Variants in PXN observed in about 807,000 individuals in gnomAD.
PXN encodes paxillin.
PXN carries 61 observed loss-of-function variants against 103.6 expected under a neutral mutation model. The observed-to-expected ratio is 0.59, with a 90% confidence interval of 0.48 to 0.73. The LOEUF is 0.73. PXN is among the 30% of genes least tolerant of loss of function. The pLI is 0.00. For synonymous variants in PXN, 562 were observed against 607.8 expected, an observed-to-expected ratio of 0.92 and a Z score of 1.11; for missense variants, 1,274 against 1,460.3, an observed-to-expected ratio of 0.87 and a Z score of 2.08.
rs1882165490 is a variant in PXN at position 120,215,015 on chromosome 12, A to G, written c.2575-17T>C. On this transcript the variant is annotated splice_polypyrimidine_tract_variant and intron_variant, in intron 11 of 14. Transcript: ENST00000637617. The surrounding 1 kb of genome is among the most constrained non-coding windows in gnomAD (Gnocchi z 4.9). ...GGTCACAACCTGAGGAGGAGATGGA[A>G]TGCGGTCCAGGGCCAAGGCCAGCCC... The G allele has an allele frequency of 6.2e-7, 1 of 1,611,352 alleles. No individual in the cohort carries two copies. The highest frequency in any genetic ancestry group is 1.3e-5 in the African/African-American group (1 of 74,856).
chr12:120,223,973 T>C, intron 2 of PXN, 140 bp from the exon 3 acceptor site: 2 of 849,656 alleles, frequency 2.4e-6, no homozygotes. Flanking sequence ...CCAGGAAACC[T>C]GTGATTAACC....
rs547112511 is a variant in PXN, at chr12:120,213,811, G to T, written c.2979+31C>A. 6.3e-7 allele frequency: 1 copy of T among 1,597,990 alleles called. No individual in the cohort carries two copies. Among genetic ancestry groups the T allele is most frequent in the Admixed American group, 1.7e-5 (1 of 57,484 alleles). On this transcript the variant is annotated intron_variant, in intron 14 of 14. Transcript: ENST00000637617. The surrounding 1 kb of genome is among the most constrained non-coding windows in gnomAD (Gnocchi z 4.2). ...CCTCTCTCCCCACTGCCTGCTCCTC[G>T]CCCCTCCAGATGTGGTCAGGGGCTC...
In PXN at chr12:120,265,487, G is replaced by T. The variant is rs1393232075; in HGVS notation, c.13+130C>A. 4 of 1,087,116 alleles carry T rather than the reference G, an allele frequency of 3.7e-6. No individual in the cohort carries two copies. The highest frequency in any genetic ancestry group is 3.4e-5 in the African/African-American group (2 of 58,720). 67.3% of individuals were successfully genotyped at this position (1,087,116 alleles called of 1,614,324 possible). A position where few individuals can be genotyped will look rare whatever the true frequency, so the allele number is the denominator to read the frequency against. On this transcript the variant is annotated intron_variant, in intron 1 of 14. Coordinates refer to ENST00000637617, the MANE Select transcript of PXN (RefSeq NM_001385981.1). The surrounding 1 kb of genome is among the most constrained non-coding windows in gnomAD (Gnocchi z 5.7). The stretch of plus-strand genomic sequence containing the variant: ...ATCCCAGCCCCGCGGAGCCCCGGCC[G>T]GCAGGGACAGGAGCTGAGGCCGGGG...
chr12:120,245,910 G>A (rs1407287990), intron 1 of PXN, among the ~76,000 whole-genome samples: 2 of 152,088 alleles, frequency 1.3e-5, no homozygotes, highest in African/African-American at 2.4e-5. Flanking sequence ...ACAGGAGGGG[G>A]AAATGGAAAT....
Position 120,216,822 on chromosome 12 carries a change from A to G in PXN, c.1992+19T>C. ...GCTTGGCTCTGGCCCAGCCCCAGCC[A>G]TGGGCATCTCCTCGCCACCTTCTCT... On this transcript the variant is annotated intron_variant, in intron 8 of 14. Coordinates refer to ENST00000637617, the MANE Select transcript of PXN (RefSeq NM_001385981.1). This position sits in a 1 kb window ranked among gnomAD's most constrained non-coding sequence, Gnocchi z 5.1. 1 of 1,552,772 alleles carries G rather than the reference A, an allele frequency of 6.4e-7. No homozygotes were observed. The highest frequency in any genetic ancestry group is 1.2e-5 in the South Asian group (1 of 84,968).
chr12:120,261,826 G>A (rs1376026657), intron 1 of PXN, among the ~76,000 whole-genome samples: 1 of 152,240 alleles, frequency 6.6e-6, no homozygotes, highest in Non-Finnish European at 1.5e-5. Context: ...AGTAGGCTGA[G>A]CATTTCTCCA....
chr12:120,215,567 T>C lies in PXN; in HGVS notation c.2396A>G (p.Glu799Gly), dbSNP rs773116245. ...GGRSSPGGQD[E>G]GGFMAQGKTG... is the part of the protein sequence containing the mutation. ...CCCAGCCTTGGCACTGACCCCTCCC[T>C]CGTCCTGCCCTCCGGGGCTGCTCCG... Residue 799 changes from glutamate to glycine, a missense_variant, in exon 10 of 15, where the codon GAG becomes GGG. Glu to Gly is a moderately conservative substitution (Grantham distance 98, BLOSUM62 -2). Around this residue, in one of 2 missense-constraint regions of PXN, gnomAD observed 1,178 missense variants for 1,309.0 expected, o/e 0.90. Transcript: ENST00000637617. This position sits in a 1 kb window ranked among gnomAD's most constrained non-coding sequence, Gnocchi z 4.9. 6 of 1,593,718 alleles carry C rather than the reference T, an allele frequency of 3.8e-6. No individual in the cohort carries two copies. In the African/African-American group the frequency reaches 8.1e-5, roughly 21 times the overall value.
At chr12:120,264,634 TA>T in intron 1 of PXN, among the ~76,000 whole-genome samples, 1 of 152,260 alleles carries the variant, frequency 6.6e-6, no homozygotes, top group South Asian at 2.1e-4. Flanking sequence ...AGGAAAACAG[TA>T]AAACTCTGTT....
rs1211860050 is a variant in PXN, at chr12:120,217,087, C to T, written c.1746G>A (p.Glu582=). 2 of 1,590,640 alleles carry T rather than the reference C, an allele frequency of 1.3e-6. No individual in the cohort carries two copies. Among genetic ancestry groups the T allele is most frequent in the Admixed American group, 1.7e-5 (1 of 58,994 alleles). The part of the protein sequence containing the change: ...QIRSVIRRSW[E]SGHAHPMSRE... Reference sequence around the variant, plus strand: ...GGGACATGGGGTGTGCGTGGCCAGACTCCCAGCTCCTCCTGATCACAGATC... The same window carrying T: ...GGGACATGGGGTGTGCGTGGCCAGATTCCCAGCTCCTCCTGATCACAGATC... Residue 582 remains glutamate, a synonymous_variant, in exon 8 of 15, where the codon GAG becomes GAA. Transcript: ENST00000637617. The surrounding 1 kb of genome is among the most constrained non-coding windows in gnomAD (Gnocchi z 4.1).
chr12:120,223,094 G>A lies in PXN; in HGVS notation c.357-95C>T, dbSNP rs180738645. The stretch of plus-strand genomic sequence containing the variant: ...GATTCCCAAGGAGAACAAGGCAGAG[G>A]AGATGCGAAGTCTTCCCCCGCAAGA... On this transcript the variant is annotated intron_variant, in intron 3 of 14. Coordinates refer to ENST00000637617, the MANE Select transcript of PXN (RefSeq NM_001385981.1). 1.0e-3 allele frequency: 1,631 copies of A among 1,589,344 alleles called. 17 individuals are homozygous for A. Among genetic ancestry groups the A allele is most frequent in the Non-Finnish European group, 1.0e-4 (122 of 1,163,858 alleles).
intron 1 of PXN, among the ~76,000 whole-genome samples, chr12:120,258,926 A>C (rs961076826): frequency 1.4e-4 from 22 of 151,772 alleles, no homozygotes; most frequent in African/African-American, 5.3e-4. Flanking sequence ...AAAATTAGCC[A>C]GGCGTGGTGG....
In PXN at chr12:120,215,304, C is replaced by T. The variant is rs1242520947; in HGVS notation, c.2404-31G>A. ...GACACGGAGGGGGCTGGTCAGGACT[C>T]CTGAGGCTCGGGGTACGGTGTCTGG... On this transcript the variant is annotated intron_variant, in intron 10 of 14. Coordinates refer to ENST00000637617, the MANE Select transcript of PXN (RefSeq NM_001385981.1). The surrounding 1 kb of genome is among the most constrained non-coding windows in gnomAD (Gnocchi z 4.9). 1 of 1,563,840 alleles carries T rather than the reference C, an allele frequency of 6.4e-7. No homozygotes were observed. Among genetic ancestry groups the T allele is most frequent in the Non-Finnish European group, 8.6e-7 (1 of 1,157,954 alleles).
At position 120,215,618 on chromosome 12, in the gene PXN, G is replaced by T. The variant is rs775200782; in HGVS notation, c.2345C>A (p.Ala782Glu). Residue 782 changes from alanine to glutamate, a missense_variant, in exon 10 of 15, where the codon GCG becomes GAG. Ala to Glu is a moderately radical substitution (Grantham distance 107). Around this residue, in one of 2 missense-constraint regions of PXN, gnomAD observed 1,178 missense variants for 1,309.0 expected, o/e 0.90. Transcript: ENST00000637617. This position sits in a 1 kb window ranked among gnomAD's most constrained non-coding sequence, Gnocchi z 4.9. ...EQRADGERCW[A>E]AGWPRDGGRS... ...CCCGCCGTCCCGAGGCCAGCCGGCC[G>T]CCCAGCACCGCTCCCCATCCGCTCT... The T allele has an allele frequency of 6.2e-7, 1 of 1,611,922 alleles. No homozygotes were observed. Among genetic ancestry groups the T allele is most frequent in the East Asian group, 2.2e-5 (1 of 44,854 alleles).
At position 120,211,994 on chromosome 12, in the gene PXN, C is replaced by T. The variant is rs781172802; in HGVS notation, c.*320G>A. ...GCTGAAATATGAGGAAGAGATGGCT[C>T]CAGTGTGGGGTGCTGGCCAGGCCAG... On this transcript the variant is annotated 3_prime_UTR_variant, in exon 15 of 15. Coordinates refer to ENST00000637617, the MANE Select transcript of PXN (RefSeq NM_001385981.1). The T allele has an allele frequency of 1.6e-5, 10 of 613,542 alleles. No homozygotes were observed. Among genetic ancestry groups the T allele is most frequent in the African/African-American group, 3.6e-5 (2 of 55,472 alleles). 38.0% of individuals were successfully genotyped at this position (613,542 alleles called of 1,614,324 possible). A position where few individuals can be genotyped will look rare whatever the true frequency, so the allele number is the denominator to read the frequency against.
At position 120,214,022 on chromosome 12, in the gene PXN, A is replaced by C; in HGVS notation, c.2831-32T>G. Reference sequence around the variant, plus strand: ...AGCGGGGGTTTTGGAGGCACAGTTCATTCCGGCTTCCAGAAGTGGAGCCAC... The same window carrying C: ...AGCGGGGGTTTTGGAGGCACAGTTCCTTCCGGCTTCCAGAAGTGGAGCCAC... On this transcript the variant is annotated intron_variant, in intron 13 of 14. Coordinates refer to ENST00000637617, the MANE Select transcript of PXN (RefSeq NM_001385981.1). The surrounding 1 kb of genome is among the most constrained non-coding windows in gnomAD (Gnocchi z 5.0). 1 of 1,606,356 alleles carries C rather than the reference A, an allele frequency of 6.2e-7. No individual in the cohort carries two copies. Among genetic ancestry groups the C allele is most frequent in the Non-Finnish European group, 8.5e-7 (1 of 1,176,964 alleles).
At chr12:120,226,063 C>CG (rs769839364) in intron 1 of PXN, 132 of 1,085,744 alleles carry the variant, frequency 1.2e-4, no homozygotes, top group Admixed American at 5.7e-4. Flanking sequence ...TCTAGCAAAC[C>CG]GGAACTAGAG....
In PXN at chr12:120,228,236, C is replaced by T. The variant is rs1160251199; in HGVS notation, c.14-3859G>A. ...GCATTACTCTACTAAGTTTCCAGGT[C>T]CAGGCCTGGGGCCCTCCAGACCCAA... On this transcript the variant is annotated intron_variant, in intron 1 of 14. Transcript: ENST00000637617. This position sits in a 1 kb window ranked among gnomAD's most constrained non-coding sequence, Gnocchi z 4.7. Among the ~76,000 whole-genome samples the T allele has an allele frequency of 6.6e-6, 1 of 152,236 alleles. No individual in the cohort carries two copies. The highest frequency in any genetic ancestry group is 1.5e-5 in the Non-Finnish European group (1 of 68,046).
intron 1 of PXN, among the ~76,000 whole-genome samples, chr12:120,237,945 A>G (rs974108402): frequency 6.6e-6 from 1 of 152,164 alleles, no homozygotes; most frequent in African/African-American, 2.4e-5. Context: ...GGCCTGACCC[A>G]ACCCAGGGCG....
Position 120,219,212 on chromosome 12 carries a change from C to T in PXN, c.1711G>A (p.Gly571Ser). ...PSTTERISTS[G>S]QIRSVIRRSW... ...CCATGCGAGCTGGTGCCTGCCTGGC[C>T]AGAGGTGGAAATCCTCTCCGTGGTG... The change falls in exon 7 of 15, where the codon GGC becomes AGC. Residue 571 changes from glycine to serine, a missense_variant. Coordinates refer to ENST00000637617, the MANE Select transcript of PXN (RefSeq NM_001385981.1). The surrounding 1 kb of genome is among the most constrained non-coding windows in gnomAD (Gnocchi z 6.5). The T allele has an allele frequency of 1.3e-6, 2 of 1,570,678 alleles. No individual in the cohort carries two copies. Among genetic ancestry groups the T allele is most frequent in the Non-Finnish European group, 1.7e-6 (2 of 1,161,774 alleles).
Sources: allele counts gnomAD v4.1 joint callset (sites outside exome capture counted in the v4.1 genomes callset), GRCh38; gene constraint gnomAD v4.1.1; regional missense constraint gnomAD v4.1.1; non-coding constraint Gnocchi (gnomAD v3.1); transcripts MANE v1.5; gene names NCBI Gene and HGNC (gene_info 2026-07-23, HGNC 2026-07-21).